The following CEBPG variants were observed in gnomAD, a reference collection of about 807,000 sequenced individuals.
CEBPG encodes the protein CCAAT enhancer binding protein gamma, also known as CCAAT/enhancer-binding protein gamma.
Under a neutral mutation model 11.1 loss-of-function variants are expected in CEBPG, and 6 were observed. That is an observed-to-expected ratio of 0.54 (90% CI 0.30 to 1.07). The LOEUF (loss-of-function observed/expected upper bound fraction) is 1.07, where lower values mean the gene tolerates loss of function less well. Among genes scored for constraint, CEBPG ranks in the 50% least tolerant of loss-of-function variants. The pLI is 0.07. For synonymous variants in CEBPG, 66 were observed against 71.0 expected (o/e 0.93, Z 0.36); for missense variants, 161 against 187.4 (o/e 0.86, Z 0.82).
rs1313883267 is a variant in CEBPG at position 33,382,032 on chromosome 19, G to A, written c.*2340G>A. On this transcript the variant is annotated 3_prime_UTR_variant, in exon 2 of 2. Transcript: ENST00000284000. ...CAATTTAGAGCTTCGGGAATTGTGA[G>A]GTGACTTTTGTAACTTTTGTTCTGT... is the stretch of plus-strand genomic sequence containing the variant. 1 of 167,150 alleles carries A rather than the reference G, an allele frequency of 6.0e-6. No individual in the cohort carries two copies. Among genetic ancestry groups the A allele is most frequent in the Non-Finnish European group, 1.5e-5 (1 of 68,136 alleles). 10.4% of individuals were successfully genotyped at this position (167,150 alleles called of 1,614,324 possible). A position where few individuals can be genotyped will look rare whatever the true frequency, so the allele number is the denominator to read the frequency against.
Position 33,379,173 on chromosome 19 carries a change from C to T in CEBPG, c.-67C>T, listed in dbSNP as rs1029934867. On this transcript the variant is annotated 5_prime_UTR_variant, in exon 2 of 2. Coordinates refer to ENST00000284000, the MANE Select transcript of CEBPG (RefSeq NM_001806.4). ...ATGTGAAGATTTTTTGGCAGCTTAG[C>T]GTGGAAACCATTGATCACCCTGCTC... The T allele has an allele frequency of 1.4e-4, 192 of 1,404,418 alleles. No individual in the cohort carries two copies. The highest frequency in any genetic ancestry group is 1.8e-4 in the Non-Finnish European group (192 of 1,053,730). 87.0% of individuals were successfully genotyped at this position (1,404,418 alleles called of 1,614,324 possible). A position where few individuals can be genotyped will look rare whatever the true frequency, so the allele number is the denominator to read the frequency against.
chr19:33,375,045 G>T (rs1967895906), intron 1 of CEBPG, among the ~76,000 whole-genome samples: 1 of 152,200 alleles, frequency 6.6e-6, no homozygotes, highest in Admixed American at 6.5e-5. Context: ...GGAAAAAGTT[G>T]CTGTAAACAA....
intron 1 of CEBPG, among the ~76,000 whole-genome samples, chr19:33,377,116 C>T (rs1967920820): frequency 6.6e-6 from 1 of 152,184 alleles, no homozygotes; most frequent in Non-Finnish European, 1.5e-5. Flanking sequence ...AAAGCCCTTC[C>T]CTGTTCCTGT....
chr19:33,379,597 G>T lies in CEBPG; in HGVS notation c.358G>T (p.Asp120Tyr), dbSNP rs1427847997. ...LLTKELSVLK[D>Y]LFLEHAHNLA... Reference sequence around the variant, plus strand: ...GACCAAGGAATTAAGTGTACTCAAAGATTTGTTTCTTGAGCATGCACACAA... The same window carrying T: ...GACCAAGGAATTAAGTGTACTCAAATATTTGTTTCTTGAGCATGCACACAA... Residue 120 changes from aspartate to tyrosine, a missense_variant, in exon 2 of 2, where the codon GAT (aspartate) becomes TAT (tyrosine). By Grantham distance (160) the Asp-to-Tyr change is radical (BLOSUM62 -3). Transcript: ENST00000284000. The T allele has an allele frequency of 6.2e-7, 1 of 1,614,008 alleles. No individual in the cohort carries two copies. Among genetic ancestry groups the T allele is most frequent in the African/African-American group, 1.3e-5 (1 of 74,952 alleles).
Position 33,379,258 on chromosome 19 carries a change from C to A in CEBPG, c.19C>A (p.Gln7Lys). ...TGCCCAAATGAGCAAGATATCGCAG[C>A]AAAACAGCACTCCAGGGGTGAACGG... MSKISQQNSTPGVNGIS... is the reference protein window; with the variant it reads MSKISQKNSTPGVNGIS... The change falls in exon 2 of 2, where the codon CAA becomes AAA. Residue 7 changes from glutamine (Q) to lysine (K), a missense_variant. Coordinates refer to ENST00000284000, the MANE Select transcript of CEBPG (RefSeq NM_001806.4). 1 of 1,547,552 alleles carries A rather than the reference C, an allele frequency of 6.5e-7. No individual in the cohort carries two copies. The highest frequency in any genetic ancestry group is 8.7e-7 in the Non-Finnish European group (1 of 1,147,334).
chr19:33,378,720 A>G (rs1437878558), intron 1 of CEBPG, among the ~76,000 whole-genome samples: 1 of 152,200 alleles, frequency 6.6e-6, no homozygotes, highest in Non-Finnish European at 1.5e-5. Flanking sequence ...CAGGGTGCGC[A>G]ACCCCAGCCT....
In CEBPG at chr19:33,378,016, G is replaced by C. The variant is rs569890791; in HGVS notation, c.-96-1128G>C. 9.2e-5 allele frequency among the ~76,000 whole-genome samples: 14 copies of C among 152,284 alleles called. No individual in the cohort carries two copies. The East Asian group carries it at 2.5e-3, about 27-fold the overall frequency. On this transcript the variant is annotated intron_variant, in intron 1 of 1. Coordinates refer to ENST00000284000, the MANE Select transcript of CEBPG (RefSeq NM_001806.4). ...TAGCAGTTTTGTGAAAAGAGAACAG[G>C]ATAGTTTTATGTTCCTAACACTGCT...
At position 33,380,434 on chromosome 19, in the gene CEBPG, G is replaced by C. The variant is rs1304412103; in HGVS notation, c.*742G>C. 1 of 166,838 alleles carries C rather than the reference G, an allele frequency of 6.0e-6. No individual in the cohort carries two copies. The highest frequency in any genetic ancestry group is 2.4e-5 in the African/African-American group (1 of 41,466). The allele number at this position is 166,838 out of a possible 1,614,324, so 10.3% of individuals were successfully genotyped here. ...ATACCTTTGGGCTTAGATTGGCATT[G>C]TTTTATTCTAAAAACCCAACTCAGT... On this transcript the variant is annotated 3_prime_UTR_variant, in exon 2 of 2. Coordinates refer to ENST00000284000, the MANE Select transcript of CEBPG (RefSeq NM_001806.4).
chr19:33,375,114 C>G (rs1439038652), intron 1 of CEBPG, among the ~76,000 whole-genome samples: 1 of 152,154 alleles, frequency 6.6e-6, no homozygotes, highest in East Asian at 1.9e-4. Flanking sequence ...TTGATTCCTG[C>G]TTTTGGTGGG....
At position 33,379,650 on chromosome 19, in the gene CEBPG, CACTGAAA is replaced by C; in HGVS notation, c.413_419del (p.Thr138IlefsTer24). The C allele has an allele frequency of 6.2e-7, 1 of 1,613,396 alleles. No individual in the cohort carries two copies. Among genetic ancestry groups the C allele is most frequent in the Non-Finnish European group, 8.5e-7 (1 of 1,179,450 alleles). ...TTGCAGACAACGTACAGTCCATTAG[CACTGAAA>C]ATACGACAGCAGATGGCGACAATGC... is the stretch of plus-strand genomic sequence containing the variant. On this transcript the variant is annotated frameshift_variant, in exon 2 of 2. Transcript: ENST00000284000.
chr19:33,375,698 T>C (rs1376749378), intron 1 of CEBPG, among the ~76,000 whole-genome samples: 1 of 152,146 alleles, frequency 6.6e-6, no homozygotes, highest in African/African-American at 2.4e-5. Context: ...CGCTAGATGC[T>C]TGTGAAGATC....
intron 1 of CEBPG, among the ~76,000 whole-genome samples, chr19:33,377,798 GA>G (rs1370306312): frequency 6.6e-6 from 1 of 152,238 alleles, no homozygotes; most frequent in African/African-American, 2.4e-5. Context: ...GTGTGGCTTT[GA>G]AAACAATGGA....
chr19:33,379,322 T>TA lies in CEBPG; in HGVS notation c.84dup (p.Gln29ThrfsTer35), dbSNP rs772731257. 1 of 1,613,210 alleles carries TA rather than the reference T, an allele frequency of 6.2e-7. No homozygotes were observed. Among genetic ancestry groups the TA allele is most frequent in the Non-Finnish European group, 8.5e-7 (1 of 1,179,648 alleles). ...CATACCCAGGCACATGCCAGCGGCT[T>TA]ACAGCAGGTTCCTCAGCTGGTGCCT... On this transcript the variant is annotated frameshift_variant, in exon 2 of 2. Transcript: ENST00000284000.
In CEBPG at chr19:33,379,636, G is replaced by A. The variant is rs200152462; in HGVS notation, c.397G>A (p.Val133Ile). Residue 133 changes from valine (V) to isoleucine (I), a missense_variant, in exon 2 of 2, where the codon GTA (valine) becomes ATA (isoleucine). Coordinates refer to ENST00000284000, the MANE Select transcript of CEBPG (RefSeq NM_001806.4). ...LEHAHNLADN[V>I]QSISTENTTA... ...GCATGCACACAACCTTGCAGACAAC[G>A]TACAGTCCATTAGCACTGAAAATAC... is the stretch of plus-strand genomic sequence containing the variant. 222 of 1,613,914 alleles carry A rather than the reference G, an allele frequency of 1.4e-4. No individual in the cohort carries two copies. Among genetic ancestry groups the A allele is most frequent in the Non-Finnish European group, 1.7e-4 (205 of 1,180,000 alleles).
At chr19:33,378,315 G>A (rs1166706458) in intron 1 of CEBPG, among the ~76,000 whole-genome samples, 1 of 152,178 alleles carries the variant, frequency 6.6e-6, no homozygotes. Flanking sequence ...CCACAGGCAC[G>A]GCAGCTGCTC....
At position 33,378,279 on chromosome 19, in the gene CEBPG, C is replaced by T. The variant is rs540732009; in HGVS notation, c.-96-865C>T. On this transcript the variant is annotated intron_variant, in intron 1 of 1. Transcript: ENST00000284000. The stretch of plus-strand genomic sequence containing the variant: ...AGCTGGTGCGTCCTCCGAGCTCACA[C>T]GAGCTCATTTGGTAGCACGAAGTGG... Among the ~76,000 whole-genome samples, 5 of 152,288 alleles carry T rather than the reference C, an allele frequency of 3.3e-5. No individual in the cohort carries two copies. The South Asian group carries it at 6.2e-4, about 19-fold the overall frequency.
In CEBPG at chr19:33,380,388, C is replaced by T. The variant is rs1348484013; in HGVS notation, c.*696C>T. The stretch of plus-strand genomic sequence containing the variant: ...ATTAAACACAAAAATAAAACTAAAG[C>T]ATAGGAATTATGTTTTTGAGATACC... On this transcript the variant is annotated 3_prime_UTR_variant, in exon 2 of 2. Coordinates refer to ENST00000284000, the MANE Select transcript of CEBPG (RefSeq NM_001806.4). The T allele has an allele frequency of 6.0e-6, 1 of 166,630 alleles. No individual in the cohort carries two copies. The highest frequency in any genetic ancestry group is 1.5e-5 in the Non-Finnish European group (1 of 68,112). 10.3% of individuals were successfully genotyped at this position (166,630 alleles called of 1,614,324 possible). A position where few individuals can be genotyped will look rare whatever the true frequency, so the allele number is the denominator to read the frequency against.
In CEBPG at chr19:33,379,749, C is replaced by T. The variant is rs1315685519; in HGVS notation, c.*57C>T. On this transcript the variant is annotated 3_prime_UTR_variant, in exon 2 of 2. Transcript: ENST00000284000. ...GCTTGAATGTTAAAGGTGTGACCAC[C>T]GACACCACTCATGTCAATGGCTGAA... The T allele has an allele frequency of 4.1e-6, 6 of 1,451,450 alleles. No individual in the cohort carries two copies. Among genetic ancestry groups the T allele is most frequent in the Middle Eastern group, 1.8e-4 (1 of 5,536 alleles). 89.9% of individuals were successfully genotyped at this position (1,451,450 alleles called of 1,614,324 possible).
At chr19:33,376,873 C>G (rs1326368383) in intron 1 of CEBPG, among the ~76,000 whole-genome samples, 2 of 152,192 alleles carry the variant, frequency 1.3e-5, no homozygotes, top group African/African-American at 4.8e-5. Flanking sequence ...GCTCTTTGAT[C>G]CCCTTTTACT....
Sources: allele counts gnomAD v4.1 joint callset (sites outside exome capture counted in the v4.1 genomes callset), GRCh38; gene constraint gnomAD v4.1.1; transcripts MANE v1.5; gene names NCBI Gene and HGNC (gene_info 2026-07-23, HGNC 2026-07-21).